Variants in SKOR2 observed in about 807,000 individuals in gnomAD.
SKOR2 encodes LBX1 corepressor 1-like protein.
In SKOR2, 47 loss-of-function variants were observed where a neutral mutation model predicts 69.1. The ratio of observed to expected loss-of-function variants is 0.68; its 90% CI spans 0.54 to 0.87. SKOR2 has a LOEUF of 0.87. SKOR2 is among the 40% of genes least tolerant of loss of function. The probability of loss-of-function intolerance (pLI) is 0.00; values close to 1 mark genes in which losing one functional copy is unlikely to be tolerated. For missense variants in SKOR2, 1,404 were observed against 1,472.2 expected, an observed-to-expected ratio of 0.95 and a Z score of 0.76; for synonymous variants, 717 against 672.6, an observed-to-expected ratio of 1.07 and a Z score of -1.02.
In SKOR2 at chr18:47,245,478, A is replaced by ATTTTTTGTTTTTTTTTTTTTTT; in HGVS notation, c.2677+19_2677+20insAAAAAAAAAAAAAAACAAAAAA. The ATTTTTTGTTTTTTTTTTTTTTT allele has an allele frequency of 8.4e-7, 1 of 1,194,644 alleles. No homozygotes were observed. Among genetic ancestry groups the ATTTTTTGTTTTTTTTTTTTTTT allele is most frequent in the Non-Finnish European group, 1.1e-6 (1 of 933,368 alleles). The allele number at this position is 1,194,644 out of a possible 1,614,324, so 74.0% of individuals were successfully genotyped here. ...ATGCAGGCAAGAAAAGTGGCAGCTG[A>ATTTTTTGTTTTTTTTTTTTTTT]TTTTTTTTTTTTTTTTTACCTGAAA... On this transcript the variant is annotated intron_variant, in intron 3 of 8. Transcript: ENST00000425639.
intron 4 of SKOR2, among the ~76,000 whole-genome samples, chr18:47,243,924 G>A (rs767337626): frequency 2.2e-4 from 34 of 152,038 alleles, no homozygotes; most frequent in Admixed American, 1.1e-3. Flanking sequence ...AACCAAAATC[G>A]AATATTGATC....
chr18:47,233,457 T>C (rs563430240), intron 4 of SKOR2, among the ~76,000 whole-genome samples: 148 of 152,334 alleles, frequency 9.7e-4, no homozygotes, highest in African/African-American at 3.5e-3. Context: ...GAGATGAAGA[T>C]ACATGCATAT....
intron 1 of SKOR2, among the ~76,000 whole-genome samples, chr18:47,250,885 C>T (rs2064309411): frequency 6.6e-6 from 1 of 152,158 alleles, no homozygotes; most frequent in Admixed American, 6.5e-5. Context: ...CTTCGATGCT[C>T]ATTTCCCTAC....
In SKOR2 at chr18:47,246,644, C is replaced by T. The variant is rs1193656448; in HGVS notation, c.2540G>A (p.Ser847Asn). Reference protein sequence around the residue: ...PPPPLAPQKASGGGSSSPGSP... With the variant: ...PPPPLAPQKANGGGSSSPGSP... Reference sequence around the variant, plus strand: ...GCCCGGGCTGCTGCTGCCGCCGCCACTCGCCTTCTGGGGGGCCAGGGGCGG... The same window carrying T: ...GCCCGGGCTGCTGCTGCCGCCGCCATTCGCCTTCTGGGGGGCCAGGGGCGG... Residue 847 changes from serine (S) to asparagine (N), a missense_variant, in exon 2 of 9, where the codon AGT becomes AAT. Ser to Asn is a conservative substitution (Grantham distance 46, BLOSUM62 1). Transcript: ENST00000425639. The T allele has an allele frequency of 6.6e-7, 1 of 1,518,930 alleles. No individual in the cohort carries two copies. Among genetic ancestry groups the T allele is most frequent in the Non-Finnish European group, 8.8e-7 (1 of 1,140,310 alleles). 94.1% of individuals were successfully genotyped at this position (1,518,930 alleles called of 1,614,324 possible). A position where few individuals can be genotyped will look rare whatever the true frequency, so the allele number is the denominator to read the frequency against.
chr18:47,220,377 A>C (rs1178353477), intron 6 of SKOR2, among the ~76,000 whole-genome samples: 2 of 152,176 alleles, frequency 1.3e-5, no homozygotes, highest in Non-Finnish European at 1.5e-5. Flanking sequence ...TCAGTAGGGC[A>C]GGCCTCAGAT....
In SKOR2 at chr18:47,247,288, G is replaced by A; in HGVS notation, c.1896C>T (p.Asp632=). The A allele has an allele frequency of 6.7e-7, 1 of 1,482,518 alleles. No homozygotes were observed. The highest frequency in any genetic ancestry group is 8.9e-7 in the Non-Finnish European group (1 of 1,122,312). The allele number at this position is 1,482,518 out of a possible 1,614,324, so 91.8% of individuals were successfully genotyped here. ...CGTGCAGCTTGGCCAGGCTCTCCGC[G>A]TCGTCCTTGCCGCCCACTGGCCGGA... is the stretch of plus-strand genomic sequence containing the variant. The part of the protein sequence containing the change: ...SAFRPVGGKD[D]AESLAKLHGA... Residue 632 remains aspartate, a synonymous_variant, in exon 2 of 9, where the codon GAC becomes GAT. Coordinates refer to ENST00000425639, the MANE Select transcript of SKOR2 (RefSeq NM_001278063.4). The surrounding 1 kb of genome is among the most constrained non-coding windows in gnomAD (Gnocchi z 6.6).
intron 4 of SKOR2, among the ~76,000 whole-genome samples, chr18:47,233,946 G>A (rs2064210107): frequency 6.6e-6 from 1 of 152,170 alleles, no homozygotes; most frequent in Non-Finnish European, 1.5e-5. Context: ...CAGCTTTGTA[G>A]AGGTTTTATT....
intron 4 of SKOR2, among the ~76,000 whole-genome samples, chr18:47,231,704 G>A (rs143385614): frequency 2.6e-5 from 4 of 151,980 alleles, no homozygotes; most frequent in Non-Finnish European, 5.9e-5. Flanking sequence ...TTAGCTGGGC[G>A]TGGTGGTGCA....
At chr18:47,250,255 T>C (rs900853140) in intron 1 of SKOR2, among the ~76,000 whole-genome samples, 6 of 152,198 alleles carry the variant, frequency 3.9e-5, no homozygotes, top group Non-Finnish European at 7.3e-5. Context: ...AGGTAATCTA[T>C]GGGAGTGTTG....
chr18:47,237,817 C>T (rs1363179983), intron 4 of SKOR2, among the ~76,000 whole-genome samples: 2 of 151,860 alleles, frequency 1.3e-5, no homozygotes, highest in Admixed American at 1.3e-4. Flanking sequence ...CCACTTCAGC[C>T]TCCAGAGTAG....
In SKOR2 at chr18:47,230,534, C is replaced by T. The variant is rs551170055; in HGVS notation, c.2842G>A (p.Glu948Lys). 2.1e-6 allele frequency: 3 copies of T among 1,429,840 alleles called. No individual in the cohort carries two copies. The highest frequency in any genetic ancestry group is 2.7e-6 in the Non-Finnish European group (3 of 1,099,014). The allele number at this position is 1,429,840 out of a possible 1,614,324, so 88.6% of individuals were successfully genotyped here. ...GKEELQKVLFEQIDLRRRLEQ... is the reference protein window; with the variant it reads ...GKEELQKVLFKQIDLRRRLEQ... ...AGTCGTCTCCGTAAATCTATTTGTT[C>T]AAATAAAACCTTCTGAAGTTCTTCT... The change falls in exon 6 of 9, where the codon GAA (glutamate) becomes AAA (lysine). Residue 948 changes from glutamate to lysine, a missense_variant. Glu to Lys is a moderately conservative substitution (Grantham distance 56). Coordinates refer to ENST00000425639, the MANE Select transcript of SKOR2 (RefSeq NM_001278063.4).
intron 4 of SKOR2, among the ~76,000 whole-genome samples, chr18:47,235,884 A>G (rs1359245111): frequency 6.6e-6 from 1 of 152,102 alleles, no homozygotes; most frequent in Non-Finnish European, 1.5e-5. Context: ...CCTCTGCTCA[A>G]GAACCTGCAA....
intron 6 of SKOR2, among the ~76,000 whole-genome samples, chr18:47,222,654 A>G (rs531233429): frequency 6.6e-6 from 1 of 152,302 alleles, no homozygotes; most frequent in South Asian, 2.1e-4. Context: ...TCCCTTTGTG[A>G]AGAAGAAAAC....
chr18:47,230,538 T>A lies in SKOR2; in HGVS notation c.2838A>T (p.Leu946Phe). The A allele has an allele frequency of 1.4e-6, 2 of 1,434,340 alleles. No homozygotes were observed. Among genetic ancestry groups the A allele is most frequent in the Non-Finnish European group, 1.8e-6 (2 of 1,101,572 alleles). The allele number at this position is 1,434,340 out of a possible 1,614,324, so 88.9% of individuals were successfully genotyped here. A position where few individuals can be genotyped will look rare whatever the true frequency, so the allele number is the denominator to read the frequency against. ...NMGKEELQKV[L>F]FEQIDLRRRL... ...GTCTCCGTAAATCTATTTGTTCAAATAAAACCTTCTGAAGTTCTTCTAATA... is the reference window on the plus strand; with the variant it reads ...GTCTCCGTAAATCTATTTGTTCAAAAAAAACCTTCTGAAGTTCTTCTAATA... Residue 946 changes from leucine to phenylalanine, a missense_variant, in exon 6 of 9, where the codon TTA becomes TTT. By Grantham distance (22) the Leu-to-Phe change is conservative. Around this residue, in one of 3 missense-constraint regions of SKOR2, gnomAD observed 1,266 missense variants for 1,309.9 expected, o/e 0.97. Coordinates refer to ENST00000425639, the MANE Select transcript of SKOR2 (RefSeq NM_001278063.4).
At chr18:47,236,279 C>T (rs532917928) in intron 4 of SKOR2, among the ~76,000 whole-genome samples, 2 of 152,336 alleles carry the variant, frequency 1.3e-5, no homozygotes, top group African/African-American at 4.8e-5. Flanking sequence ...GCCTGAGTCA[C>T]TGCACCTGGC....
rs1314780039 is a variant in SKOR2, at chr18:47,247,085, G to A, written c.2099C>T (p.Pro700Leu). 1.5e-6 allele frequency: 2 copies of A among 1,354,788 alleles called. No homozygotes were observed. The highest frequency in any genetic ancestry group is 1.9e-6 in the Non-Finnish European group (2 of 1,058,566). 83.9% of individuals were successfully genotyped at this position (1,354,788 alleles called of 1,614,324 possible). A position where few individuals can be genotyped will look rare whatever the true frequency, so the allele number is the denominator to read the frequency against. ...RHHPAPPPPP[P>L]PPPPPPLAQH... ...GGCCAGAGGGGGCGGCGGGGGCGGC[G>A]GCGGCGGCGGCGGCGGGGCCGGGTG... The change falls in exon 2 of 9, where the codon CCG becomes CTG. Residue 700 changes from proline to leucine, a missense_variant. Physicochemically the swap from Pro to Leu is moderately conservative, Grantham distance 98. This residue lies in a region of SKOR2 where 1,266 missense variants were observed against 1,309.9 expected (regional missense o/e 0.97). Coordinates refer to ENST00000425639, the MANE Select transcript of SKOR2 (RefSeq NM_001278063.4). The surrounding 1 kb of genome is among the most constrained non-coding windows in gnomAD (Gnocchi z 6.6).
intron 3 of SKOR2, among the ~76,000 whole-genome samples, 198 bp from the exon 4 acceptor site, chr18:47,245,180 A>G (rs781405696): frequency 2.0e-5 from 3 of 152,224 alleles, no homozygotes; most frequent in Non-Finnish European, 4.4e-5. Context: ...GGACAAAGAT[A>G]TCTAAGAATT....
intron 4 of SKOR2, among the ~76,000 whole-genome samples, chr18:47,240,158 A>G (rs1468711673): frequency 6.6e-6 from 1 of 152,200 alleles, no homozygotes; most frequent in Non-Finnish European, 1.5e-5. Flanking sequence ...TAAAACTTCT[A>G]TACATATAAA....
At chr18:47,245,273 T>C (rs1029703663) in intron 3 of SKOR2, among the ~76,000 whole-genome samples, 1 of 152,130 alleles carries the variant, frequency 6.6e-6, no homozygotes, top group African/African-American at 2.4e-5. Flanking sequence ...TTGTGAGAAA[T>C]GGCACTGTTA....
Sources: allele counts gnomAD v4.1 joint callset (sites outside exome capture counted in the v4.1 genomes callset), GRCh38; gene constraint gnomAD v4.1.1; regional missense constraint gnomAD v4.1.1; non-coding constraint Gnocchi (gnomAD v3.1); transcripts MANE v1.5; gene names NCBI Gene and HGNC (gene_info 2026-07-23, HGNC 2026-07-21).